SMC3: variants seen among roughly 807,000 people sequenced by gnomAD.
SMC3 encodes structural maintenance of chromosomes 3.
In SMC3, 20 loss-of-function variants were observed where a neutral mutation model predicts 171.8. That is an observed-to-expected ratio of 0.12 (90% CI 0.08 to 0.17). SMC3 has a LOEUF of 0.17. SMC3 is among the 10% of genes least tolerant of loss of function. The probability of loss-of-function intolerance (pLI) is 1.00; values close to 1 mark genes in which losing one functional copy is unlikely to be tolerated. For synonymous variants in SMC3, 464 were observed against 451.1 expected (o/e 1.03, Z -0.36); for missense variants, 543 against 1,420.4 (o/e 0.38, Z 9.93).
At position 110,584,426 on chromosome 10, in the gene SMC3, A is replaced by C. The variant is rs775089963; in HGVS notation, c.1305+30A>C. On this transcript the variant is annotated intron_variant, in intron 13 of 28. Transcript: ENST00000361804. ...GAACTTCTATAGCTGCTTTGTAAAA[A>C]TCTTTCAGAAGAGATAAATGTGTTT... The C allele has an allele frequency of 1.5e-5, 23 of 1,498,938 alleles. No individual in the cohort carries two copies. In the Admixed American group the frequency reaches 3.9e-4, roughly 25 times the overall value. The allele number at this position is 1,498,938 out of a possible 1,614,324, so 92.9% of individuals were successfully genotyped here. A position where few individuals can be genotyped will look rare whatever the true frequency, so the allele number is the denominator to read the frequency against.
At position 110,604,799 on chromosome 10, in the gene SMC3, T is replaced by A. The variant is rs1377244483; in HGVS notation, c.*497T>A. The stretch of plus-strand genomic sequence containing the variant: ...AGGGTTAGGACTTCAACATGTGAGT[T>A]TGGGAAGGGAAGCACAAAATCAGCC... On this transcript the variant is annotated 3_prime_UTR_variant, in exon 29 of 29. Coordinates refer to ENST00000361804, the MANE Select transcript of SMC3 (RefSeq NM_005445.4). 6.6e-6 allele frequency among the ~76,000 whole-genome samples: 1 copy of A among 152,164 alleles called. No homozygotes were observed. The highest frequency in any genetic ancestry group is 1.5e-5 in the Non-Finnish European group (1 of 68,004).
intron 17 of SMC3, among the ~76,000 whole-genome samples, chr10:110,591,863 CTT>C (rs1338243342): frequency 6.6e-6 from 1 of 152,134 alleles, no homozygotes; most frequent in Non-Finnish European, 1.5e-5. Flanking sequence ...TACAAATTGT[CTT>C]TGAAGTTTGG....
In SMC3 at chr10:110,603,395, T is replaced by C. The variant is rs1861417394; in HGVS notation, c.3582+105T>C. The stretch of plus-strand genomic sequence containing the variant: ...AGTGAAAGAAAACTTAGAAAGTCTT[T>C]GCTTATCTGATGTCTTTGTAAAGAA... On this transcript the variant is annotated intron_variant, in intron 28 of 28. Transcript: ENST00000361804. 3 of 752,832 alleles carry C rather than the reference T, an allele frequency of 4.0e-6. No homozygotes were observed. The South Asian group carries it at 5.0e-5, about 13-fold the overall frequency. The allele number at this position is 752,832 out of a possible 1,614,324, so 46.6% of individuals were successfully genotyped here. A position where few individuals can be genotyped will look rare whatever the true frequency, so the allele number is the denominator to read the frequency against.
intron 2 of SMC3, among the ~76,000 whole-genome samples, chr10:110,569,360 A>C (rs921412775): frequency 1.3e-5 from 2 of 152,064 alleles, no homozygotes; most frequent in African/African-American, 4.8e-5. Context: ...TTATTCACAA[A>C]GTAGATGCCA....
At chr10:110,590,204 T>C (rs1299737052) in intron 15 of SMC3, among the ~76,000 whole-genome samples, 3 of 152,208 alleles carry the variant, frequency 2.0e-5, no homozygotes, top group Non-Finnish European at 4.4e-5. Flanking sequence ...AAGAGCCCAT[T>C]TTTAACACTA....
chr10:110,593,044 T>G, intron 17 of SMC3, 29 bp from the exon 18 acceptor site: 1 of 1,585,172 alleles, frequency 6.3e-7, no homozygotes, highest in Non-Finnish European at 8.7e-7. Flanking sequence ...TGTGTTGTGA[T>G]CTCTCTGTTG....
At chr10:110,580,804 A>G in intron 7 of SMC3, 100 bp from the exon 8 acceptor site, 1 of 771,740 alleles carries the variant, frequency 1.3e-6, no homozygotes, top group East Asian at 2.4e-5. Flanking sequence ...TGCATAAGGG[A>G]TACCCAACCT....
chr10:110,593,056 C>T lies in SMC3; in HGVS notation c.1813-17C>T, dbSNP rs2134740097. On this transcript the variant is annotated splice_polypyrimidine_tract_variant and intron_variant, in intron 17 of 28. Coordinates refer to ENST00000361804, the MANE Select transcript of SMC3 (RefSeq NM_005445.4). ...AACTGTGTTGTGATCTCTCTGTTGACAAAATTTCATTTTTAGGATGCTATT... is the reference window on the plus strand; with the variant it reads ...AACTGTGTTGTGATCTCTCTGTTGATAAAATTTCATTTTTAGGATGCTATT... 6.2e-7 allele frequency: 1 copy of T among 1,608,866 alleles called. No homozygotes were observed. Among genetic ancestry groups the T allele is most frequent in the Admixed American group, 1.7e-5 (1 of 60,008 alleles).
At chr10:110,593,280 C>T (rs1861236615) in intron 18 of SMC3, 57 bp downstream of exon 18, 1 of 1,569,962 alleles carries the variant, frequency 6.4e-7, no homozygotes, top group East Asian at 2.3e-5. Flanking sequence ...TCATTTAAAA[C>T]ATATAATCTG....
At chr10:110,573,629 A>G in intron 2 of SMC3, 78 bp from the exon 3 acceptor site, 2 of 959,448 alleles carry the variant, frequency 2.1e-6, no homozygotes, top group South Asian at 1.4e-5. Flanking sequence ...AAAAATATTG[A>G]GTATTTTTAA....
intron 25 of SMC3, 35 bp downstream of exon 25, chr10:110,602,213 G>A: frequency 6.5e-7 from 1 of 1,538,722 alleles, no homozygotes; most frequent in Non-Finnish European, 9.0e-7. Flanking sequence ...CATACACACA[G>A]AGGACAAAAG....
At chr10:110,575,453 A>G in intron 4 of SMC3, 50 bp downstream of exon 4, 3 of 1,337,224 alleles carry the variant, frequency 2.2e-6, no homozygotes, top group Non-Finnish European at 3.2e-6. Context: ...TATTTTAAAA[A>G]TAAATTTTCC....
rs190798929 is a variant in SMC3 at position 110,599,825 on chromosome 10, C to T, written c.2427+13C>T. The T allele has an allele frequency of 6.2e-7, 1 of 1,613,282 alleles. No individual in the cohort carries two copies. The highest frequency in any genetic ancestry group is 8.5e-7 in the Non-Finnish European group (1 of 1,179,378). On this transcript the variant is annotated intron_variant, in intron 21 of 28. Transcript: ENST00000361804. Reference sequence around the variant, plus strand: ...TCAACTTCAGCAGGTAAGTAGACAGCTGACTGGAAAAAGAATTCGTTAGTA... The same window carrying T: ...TCAACTTCAGCAGGTAAGTAGACAGTTGACTGGAAAAAGAATTCGTTAGTA...
chr10:110,578,751 G>GT (rs1443289966), intron 7 of SMC3, 45 bp downstream of exon 7: 27 of 1,431,062 alleles, frequency 1.9e-5, no homozygotes, highest in Admixed American at 3.7e-5. Flanking sequence ...TGTTTTCTGA[G>GT]TAATTCTTGA....
rs777248288 is a variant in SMC3 at position 110,604,944 on chromosome 10, A to G, written c.*642A>G. Among the ~76,000 whole-genome samples, 31 of 152,316 alleles carry G rather than the reference A, an allele frequency of 2.0e-4. No individual in the cohort carries two copies. Among genetic ancestry groups the G allele is most frequent in the Admixed American group, 6.5e-4 (10 of 15,300 alleles). The stretch of plus-strand genomic sequence containing the variant: ...TTTTCTAGGATCCCACAGAGGATAC[A>G]TTACATTTACTTACATCTCCTCTAG... On this transcript the variant is annotated 3_prime_UTR_variant, in exon 29 of 29. Transcript: ENST00000361804.
In SMC3 at chr10:110,573,647, A is replaced by T. The variant is rs1302854609; in HGVS notation, c.92-60A>T. On this transcript the variant is annotated intron_variant, in intron 2 of 28. Transcript: ENST00000361804. ...AATATTGAGTATTTTTAAAAAGGTA[A>T]ACAGTTTTAATTTTATTGGTTTTTA... 4.3e-6 allele frequency: 5 copies of T among 1,151,740 alleles called. No individual in the cohort carries two copies. The Admixed American group carries it at 8.8e-5, about 20-fold the overall frequency. The allele number at this position is 1,151,740 out of a possible 1,614,324, so 71.3% of individuals were successfully genotyped here.
chr10:110,584,542 A>G, intron 13 of SMC3, 146 bp downstream of exon 13: 1 of 624,154 alleles, frequency 1.6e-6, no homozygotes, highest in Non-Finnish European at 2.8e-6. Context: ...AGGCCTGCAC[A>G]GTTTAATATA....
chr10:110,600,856 A>G (rs897810024), intron 22 of SMC3, among the ~76,000 whole-genome samples, 166 bp from the exon 23 acceptor site: 1 of 152,056 alleles, frequency 6.6e-6, no homozygotes, highest in African/African-American at 2.4e-5. Flanking sequence ...TTTTCTAGTA[A>G]TTGTGTCTTT....
In SMC3 at chr10:110,595,914, G is replaced by GGTCTTTTT. The variant is rs1554883661; in HGVS notation, c.1964-484_1964-483insGTCTTTTT. Among the ~76,000 whole-genome samples the GGTCTTTTT allele has an allele frequency of 1.4e-4, 4 of 28,854 alleles. 1 individual carries two copies. The highest frequency in any genetic ancestry group is 2.2e-4 in the Non-Finnish European group (3 of 13,638). The allele number at this position is 28,854 out of a possible 152,430, so 18.9% of individuals were successfully genotyped here. A position where few individuals can be genotyped will look rare whatever the true frequency, so the allele number is the denominator to read the frequency against. On this transcript the variant is annotated intron_variant, in intron 18 of 28. Coordinates refer to ENST00000361804, the MANE Select transcript of SMC3 (RefSeq NM_005445.4). Reference sequence around the variant, plus strand: ...GGTAGATGTTCAGGTTCAACTGGAGGTTCTTTTTTTTTTTTTTTTTTTTTT... The same window carrying GGTCTTTTT: ...GGTAGATGTTCAGGTTCAACTGGAGGGTCTTTTTTTCTTTTTTTTTTTTTTTTTTTTTT...
Sources: gnomAD v4.1 joint callset for allele counts (sites outside exome capture counted in the v4.1 genomes callset) on GRCh38, gnomAD v4.1.1 for gene constraint, MANE v1.5 for transcripts, NCBI Gene and HGNC (gene_info 2026-07-23, HGNC 2026-07-21) for gene names.